FNDC3B: variants seen among roughly 807,000 people sequenced by gnomAD.
FNDC3B encodes fibronectin type III domain containing 3B.
Under a neutral mutation model 151.5 loss-of-function variants are expected in FNDC3B, and 12 were observed. The observed-to-expected ratio is 0.08, with a 90% CI of 0.05 to 0.13. The LOEUF (loss-of-function observed/expected upper bound fraction) is 0.13. FNDC3B is among the 10% of genes least tolerant of loss of function. The probability of loss-of-function intolerance (pLI) is 1.00; values close to 1 mark genes in which losing one functional copy is unlikely to be tolerated. For synonymous variants in FNDC3B, 528 were observed against 549.0 expected (o/e 0.96, Z 0.54); for missense variants, 1,214 against 1,505.3 (o/e 0.81, Z 3.20).
chr3:172,318,571 C>CAGTACAG (rs1731930678), intron 11 of FNDC3B, among the ~76,000 whole-genome samples: 2 of 152,170 alleles, frequency 1.3e-5, no homozygotes, highest in Non-Finnish European at 2.9e-5. Context: ...AATGGAGCAG[C>CAGTACAG]TACAAGCACA....
intron 11 of FNDC3B, among the ~76,000 whole-genome samples, chr3:172,319,845 G>A (rs1379787672): frequency 6.6e-6 from 1 of 152,196 alleles, no homozygotes; most frequent in Non-Finnish European, 1.5e-5. Context: ...CTTAGAGTCT[G>A]GCCGTAGTTC....
In FNDC3B at chr3:172,401,571, C is replaced by A; in HGVS notation, c.*4096C>A. On this transcript the variant is annotated 3_prime_UTR_variant, in exon 26 of 26. Transcript: ENST00000415807. ...ACCTGGCACACTGGGTGCTTCCTCTCCCCTGACGAACTCTATAGAGTGTTC... is the reference window on the plus strand; with the variant it reads ...ACCTGGCACACTGGGTGCTTCCTCTACCCTGACGAACTCTATAGAGTGTTC... 6.6e-6 allele frequency: 1 copy of A among 152,396 alleles called. No individual in the cohort carries two copies. The allele number at this position is 152,396 out of a possible 1,614,324, so 9.4% of individuals were successfully genotyped here.
intron 3 of FNDC3B, among the ~76,000 whole-genome samples, chr3:172,138,045 C>T (rs1721458620): frequency 1.3e-5 from 2 of 152,192 alleles, no homozygotes; most frequent in Non-Finnish European, 2.9e-5. Flanking sequence ...TGCAGCCTTC[C>T]TTCCTGTCTA....
At chr3:172,146,865 C>G (rs375538064) in intron 3 of FNDC3B, among the ~76,000 whole-genome samples, 2 of 152,166 alleles carry the variant, frequency 1.3e-5, no homozygotes, top group Non-Finnish European at 2.9e-5. Flanking sequence ...TTACTGCTTT[C>G]GGCAGAGTAC....
At chr3:172,077,723 T>C (rs953364633) in intron 1 of FNDC3B, among the ~76,000 whole-genome samples, 40 of 151,664 alleles carry the variant, frequency 2.6e-4, no homozygotes, top group South Asian at 4.2e-4. Flanking sequence ...ATTTGACTTT[T>C]TCCCCCCCAA....
chr3:172,043,155 G>A (rs1716177080), intron 1 of FNDC3B, among the ~76,000 whole-genome samples: 1 of 152,220 alleles, frequency 6.6e-6, no homozygotes, highest in African/African-American at 2.4e-5. Context: ...GACTTCAGGT[G>A]ATCCACCCGC....
In FNDC3B at chr3:172,401,620, TCAACAA is replaced by T. The variant is rs751660814; in HGVS notation, c.*4160_*4165del. The T allele has an allele frequency of 7.9e-5, 12 of 152,120 alleles. No individual in the cohort carries two copies. The highest frequency in any genetic ancestry group is 2.4e-4 in the African/African-American group (10 of 41,406). 9.4% of individuals were successfully genotyped at this position (152,120 alleles called of 1,614,324 possible). ...TCATGTCCTTTCCTGCAGGTCTCAT[TCAACAA>T]CAACAACAACAACAGCAATAAAACA... is the stretch of plus-strand genomic sequence containing the variant. On this transcript the variant is annotated 3_prime_UTR_variant, in exon 26 of 26. Coordinates refer to ENST00000415807, the MANE Select transcript of FNDC3B (RefSeq NM_022763.4).
intron 3 of FNDC3B, chr3:172,186,932 A>G (rs1349186004): frequency 1.9e-6 from 1 of 534,164 alleles, no homozygotes; most frequent in Non-Finnish European, 3.3e-6. Context: ...ATGTGATTCA[A>G]TTTTATTTTC....
At chr3:172,065,928 T>C (rs1005404699) in intron 1 of FNDC3B, among the ~76,000 whole-genome samples, 2 of 152,228 alleles carry the variant, frequency 1.3e-5, no homozygotes, top group Non-Finnish European at 2.9e-5. Flanking sequence ...ACTGTTGTTC[T>C]TGGTGATAAT....
Position 172,398,925 on chromosome 3 carries a change from A to T in FNDC3B, c.*1450A>T, listed in dbSNP as rs1736422838. ...TATATGAAGTCCATAATGTTCGAGTACCTCAGGGACATTTAAGAGTTGGAG... is the reference window on the plus strand; with the variant it reads ...TATATGAAGTCCATAATGTTCGAGTTCCTCAGGGACATTTAAGAGTTGGAG... On this transcript the variant is annotated 3_prime_UTR_variant, in exon 26 of 26. Coordinates refer to ENST00000415807, the MANE Select transcript of FNDC3B (RefSeq NM_022763.4). The T allele has an allele frequency of 6.6e-6, 1 of 152,640 alleles. No homozygotes were observed. Among genetic ancestry groups the T allele is most frequent in the Non-Finnish European group, 1.5e-5 (1 of 68,050 alleles). 9.5% of individuals were successfully genotyped at this position (152,640 alleles called of 1,614,324 possible). A position where few individuals can be genotyped will look rare whatever the true frequency, so the allele number is the denominator to read the frequency against.
chr3:172,052,226 T>C (rs1716696138), intron 1 of FNDC3B, among the ~76,000 whole-genome samples: 1 of 144,020 alleles, frequency 6.9e-6, no homozygotes, highest in African/African-American at 2.6e-5. Context: ...AATGCCACTA[T>C]GCCCAGATAA....
intron 1 of FNDC3B, among the ~76,000 whole-genome samples, chr3:172,088,552 T>C (rs1315935264): frequency 6.6e-6 from 1 of 152,234 alleles, no homozygotes; most frequent in African/African-American, 2.4e-5. Flanking sequence ...TGAAATGCAA[T>C]TGATTTGCTG....
Position 172,397,482 on chromosome 3 carries a change from C to G in FNDC3B, c.*7C>G. The G allele has an allele frequency of 6.5e-7, 1 of 1,548,946 alleles. No individual in the cohort carries two copies. Among genetic ancestry groups the G allele is most frequent in the African/African-American group, 1.4e-5 (1 of 73,360 alleles). On this transcript the variant is annotated 3_prime_UTR_variant, in exon 26 of 26. Transcript: ENST00000415807. ...GTACTTCTTAATGAAGTAAACCCAA[C>G]AAAACTAGAGGTATGAATTAATGCT...
At chr3:172,071,792 T>G (rs1234062905) in intron 1 of FNDC3B, among the ~76,000 whole-genome samples, 1 of 152,124 alleles carries the variant, frequency 6.6e-6, no homozygotes, top group East Asian at 1.9e-4. Flanking sequence ...TTAGTAATAA[T>G]GACAGTGAAA....
Position 172,357,423 on chromosome 3 carries a change from A to G in FNDC3B, c.2795+4340A>G, listed in dbSNP as rs369628500. Among the ~76,000 whole-genome samples, 342 of 152,360 alleles carry G rather than the reference A, an allele frequency of 2.2e-3. 1 individual carries two copies. The highest frequency in any genetic ancestry group is 8.0e-3 in the African/African-American group (331 of 41,578). ...TCAAGATTAGCATGTTACTTGAGCT[A>G]AAGAGAAAACTTCTCAAGTTTGGGT... On this transcript the variant is annotated intron_variant, in intron 22 of 25. Transcript: ENST00000415807.
At chr3:172,100,455 TGC>T (rs1719327485) in intron 1 of FNDC3B, among the ~76,000 whole-genome samples, 1 of 152,218 alleles carries the variant, frequency 6.6e-6, no homozygotes, top group Non-Finnish European at 1.5e-5. Flanking sequence ...TTCTCTGGTG[TGC>T]GACAGTTTTC....
intron 1 of FNDC3B, among the ~76,000 whole-genome samples, chr3:172,078,800 G>GCATT (rs535718250): frequency 8.6e-4 from 131 of 152,304 alleles, no homozygotes; most frequent in Middle Eastern, 3.4e-3. Flanking sequence ...GTTTGAGGGT[G>GCATT]CATTCCTCAA....
chr3:172,190,500 T>C (rs1724448704), intron 3 of FNDC3B, among the ~76,000 whole-genome samples: 1 of 152,220 alleles, frequency 6.6e-6, no homozygotes, highest in Non-Finnish European at 1.5e-5. Flanking sequence ...CATTCTGTAG[T>C]CAATTTTCAA....
intron 17 of FNDC3B, among the ~76,000 whole-genome samples, 194 bp from the exon 18 acceptor site, chr3:172,342,817 C>A (rs1453958548): frequency 2.0e-5 from 3 of 152,126 alleles, no homozygotes; most frequent in African/African-American, 7.2e-5. Context: ...TCTATAGCCA[C>A]CCTTAAAACA....
Sources: allele counts gnomAD v4.1 joint callset (sites outside exome capture counted in the v4.1 genomes callset), GRCh38; gene constraint gnomAD v4.1.1; transcripts MANE v1.5; gene names NCBI Gene and HGNC (gene_info 2026-07-23, HGNC 2026-07-21).